The following ASAP1 variants were observed in gnomAD, a reference collection of about 807,000 sequenced individuals.
ASAP1 encodes ArfGAP with SH3 domain, ankyrin repeat and PH domain 1.
ASAP1 carries 43 observed loss-of-function variants against 145.2 expected under a neutral mutation model. The observed-to-expected ratio is 0.30, with a 90% CI of 0.23 to 0.38. ASAP1 has a LOEUF of 0.38. Ranked by LOEUF, ASAP1 falls within the 10% of genes least tolerant of loss-of-function variation. The pLI, the probability that ASAP1 is intolerant of heterozygous loss-of-function variation, is 1.00. For missense variants in ASAP1, 1,018 were observed against 1,355.3 expected (o/e 0.75, Z 3.91); for synonymous variants, 546 against 515.5 (o/e 1.06, Z -0.80).
At chr8:130,316,422 C>T (rs946247079) in intron 3 of ASAP1, among the ~76,000 whole-genome samples, 24 of 152,338 alleles carry the variant, frequency 1.6e-4, no homozygotes, top group African/African-American at 5.3e-4. Flanking sequence ...TGTGCTGCCC[C>T]AACATCCATT....
At chr8:130,156,776 G>C (rs2097658977) in intron 12 of ASAP1, among the ~76,000 whole-genome samples, 1 of 152,204 alleles carries the variant, frequency 6.6e-6, no homozygotes, top group Admixed American at 6.5e-5. Context: ...AATGAGATGA[G>C]TGAGCAGGCA....
At chr8:130,103,866 A>G (rs562458526) in intron 24 of ASAP1, among the ~76,000 whole-genome samples, 53 of 152,182 alleles carry the variant, frequency 3.5e-4, no homozygotes, top group African/African-American at 1.3e-3. Context: ...CCTTTTTAGT[A>G]TTGTTTTTAC....
chr8:130,108,960 A>G (rs966697384), intron 24 of ASAP1, among the ~76,000 whole-genome samples: 2 of 151,680 alleles, frequency 1.3e-5, no homozygotes, highest in African/African-American at 2.4e-5. Flanking sequence ...TTTTTAGTAG[A>G]GACGGGGTTT....
chr8:130,420,352 A>C (rs900158833), intron 1 of ASAP1, among the ~76,000 whole-genome samples: 3 of 152,026 alleles, frequency 2.0e-5, no homozygotes, highest in Non-Finnish European at 4.4e-5. Flanking sequence ...GGAGTGCAAA[A>C]TGGTTCAGCT....
At chr8:130,244,481 G>T (rs1245377830) in intron 3 of ASAP1, among the ~76,000 whole-genome samples, 1 of 152,170 alleles carries the variant, frequency 6.6e-6, no homozygotes, top group African/African-American at 2.4e-5. Flanking sequence ...TCATCTGAAA[G>T]GGTAAGTGGA....
chr8:130,080,106 G>A lies in ASAP1; in HGVS notation c.2573-135C>T, dbSNP rs74531144. The A allele has an allele frequency of 5.9e-3, 4,420 of 748,184 alleles. 136 individuals carry two copies. In the African/African-American group the frequency reaches 0.065, roughly 11 times the overall value. 46.3% of individuals were successfully genotyped at this position (748,184 alleles called of 1,614,324 possible). A position where few individuals can be genotyped will look rare whatever the true frequency, so the allele number is the denominator to read the frequency against. ...TAAAAGACCCAAGCCAAAACGGCAT[G>A]CATTTCTGGCCTAAGACCAAAACAA... is the stretch of plus-strand genomic sequence containing the variant. On this transcript the variant is annotated intron_variant, in intron 25 of 29. Transcript: ENST00000518721.
chr8:130,244,699 G>A (rs1818741489), intron 3 of ASAP1, among the ~76,000 whole-genome samples: 1 of 152,158 alleles, frequency 6.6e-6, no homozygotes, highest in Non-Finnish European at 1.5e-5. Flanking sequence ...GTTTCACGGG[G>A]TTCCAGGGAT....
chr8:130,414,833 C>G (rs898811261), intron 1 of ASAP1, among the ~76,000 whole-genome samples: 1 of 151,564 alleles, frequency 6.6e-6, no homozygotes, highest in Non-Finnish European at 1.5e-5. Flanking sequence ...TCTTGGTCCA[C>G]TGCAACTTCA....
At chr8:130,400,773 AG>A (rs1722840937) in intron 2 of ASAP1, among the ~76,000 whole-genome samples, 1 of 147,962 alleles carries the variant, frequency 6.8e-6, no homozygotes, top group Admixed American at 6.7e-5. Flanking sequence ...CCTGGGCAAC[AG>A]AGCCAGACTC....
intron 2 of ASAP1, among the ~76,000 whole-genome samples, chr8:130,400,572 G>A (rs1281673000): frequency 1.3e-5 from 2 of 151,818 alleles, no homozygotes; most frequent in Non-Finnish European, 2.9e-5. Context: ...CAGATCACGA[G>A]GTCAGGAGAT....
At chr8:130,092,928 A>G (rs1246889694) in intron 24 of ASAP1, among the ~76,000 whole-genome samples, 6 of 133,890 alleles carry the variant, frequency 4.5e-5, no homozygotes. Flanking sequence ...AAACTGCCTG[A>G]CGCTTTTCTT....
chr8:130,428,472 C>CGTCAT (rs1830016783), intron 1 of ASAP1, among the ~76,000 whole-genome samples: 1 of 4,546 alleles, frequency 2.2e-4, no homozygotes, highest in Non-Finnish European at 6.2e-4. Flanking sequence ...ATCATCACCA[C>CGTCAT]CACCACCACC....
chr8:130,179,777 T>G (rs1814217523), intron 8 of ASAP1, among the ~76,000 whole-genome samples: 1 of 152,148 alleles, frequency 6.6e-6, no homozygotes, highest in Admixed American at 6.6e-5. Flanking sequence ...GAATTTTTAC[T>G]ACTCAAAAAT....
chr8:130,419,590 G>C (rs1185853728), intron 1 of ASAP1, among the ~76,000 whole-genome samples: 1 of 152,118 alleles, frequency 6.6e-6, no homozygotes, highest in Non-Finnish European at 1.5e-5. Flanking sequence ...CCCTCCACTG[G>C]TCCTCCCTTT....
chr8:130,391,466 A>G (rs1828281571), intron 2 of ASAP1, among the ~76,000 whole-genome samples: 1 of 152,256 alleles, frequency 6.6e-6, no homozygotes, highest in Admixed American at 6.5e-5. Context: ...CCACAATTAA[A>G]ATATTTTAAA....
rs577381199 is a variant in ASAP1, at chr8:130,437,617, T to C, written c.-28+5843A>G. ...CTCAAAAGGAAATTATTTAGATAGA[T>C]AGACTAACTACAATGAAATAGGCAC... is the stretch of plus-strand genomic sequence containing the variant. On this transcript the variant is annotated intron_variant, in intron 1 of 29. Coordinates refer to ENST00000518721, the MANE Select transcript of ASAP1 (RefSeq NM_018482.4). Among the ~76,000 whole-genome samples, 13 of 150,196 alleles carry C rather than the reference T, an allele frequency of 8.7e-5. No homozygotes were observed. The East Asian group carries it at 2.3e-3, about 27-fold the overall frequency.
chr8:130,236,903 A>G lies in ASAP1; in HGVS notation c.259+19T>C. On this transcript the variant is annotated intron_variant, in intron 4 of 29. Coordinates refer to ENST00000518721, the MANE Select transcript of ASAP1 (RefSeq NM_018482.4). The stretch of plus-strand genomic sequence containing the variant: ...CATTATTTATAATTCATGTTACCTC[A>G]TTTTTAGTAAGTGCTTACCTTGACC... 1.3e-6 allele frequency: 2 copies of G among 1,507,228 alleles called. No homozygotes were observed. The highest frequency in any genetic ancestry group is 9.1e-7 in the Non-Finnish European group (1 of 1,104,564). The allele number at this position is 1,507,228 out of a possible 1,614,324, so 93.4% of individuals were successfully genotyped here. A position where few individuals can be genotyped will look rare whatever the true frequency, so the allele number is the denominator to read the frequency against.
At chr8:130,411,766 A>G (rs566793107) in intron 1 of ASAP1, among the ~76,000 whole-genome samples, 37 of 152,278 alleles carry the variant, frequency 2.4e-4, no homozygotes, top group African/African-American at 8.7e-4. Context: ...CAGGGGCCTG[A>G]CTCAGCGGCT....
chr8:130,302,046 T>C (rs1349167949), intron 3 of ASAP1, among the ~76,000 whole-genome samples: 1 of 152,206 alleles, frequency 6.6e-6, no homozygotes, highest in Admixed American at 6.5e-5. Flanking sequence ...CTTTAAGAGT[T>C]AGCATTCCAA....
Sources: gnomAD v4.1 joint callset for allele counts (sites outside exome capture counted in the v4.1 genomes callset) on GRCh38, gnomAD v4.1.1 for gene constraint, MANE v1.5 for transcripts, NCBI Gene and HGNC (gene_info 2026-07-23, HGNC 2026-07-21) for gene names.